PTK2: variants seen among roughly 807,000 people sequenced by gnomAD.
The protein encoded by PTK2 is focal adhesion kinase 1.
In PTK2, 45 loss-of-function variants were observed where a neutral mutation model predicts 150.1. The observed-to-expected ratio is 0.30, with a 90% CI of 0.24 to 0.38. The LOEUF (loss-of-function observed/expected upper bound fraction) is 0.38, where lower values mean the gene tolerates loss of function less well. Ranked by LOEUF, PTK2 falls within the 10% of genes least tolerant of loss-of-function variation. The probability of loss-of-function intolerance (pLI) is 1.00; values close to 1 mark genes in which losing one functional copy is unlikely to be tolerated. For synonymous variants in PTK2, 432 were observed against 449.2 expected, an observed-to-expected ratio of 0.96 and a Z score of 0.48; for missense variants, 919 against 1,307.3, an observed-to-expected ratio of 0.70 and a Z score of 4.58.
At chr8:140,731,633 G>A (rs1314776816) in intron 22 of PTK2, among the ~76,000 whole-genome samples, 1 of 152,144 alleles carries the variant, frequency 6.6e-6, no homozygotes, top group East Asian at 1.9e-4. Flanking sequence ...GGTGGCTCAT[G>A]CCTGTAATCT....
chr8:140,763,707 C>T (rs2100070614), intron 15 of PTK2, among the ~76,000 whole-genome samples: 1 of 152,026 alleles, frequency 6.6e-6, no homozygotes, highest in African/African-American at 2.4e-5. Context: ...CCCACACCTC[C>T]CATCCCTGAG....
intron 14 of PTK2, among the ~76,000 whole-genome samples, chr8:140,778,827 G>A (rs1463344846): frequency 1.3e-5 from 2 of 152,110 alleles, no homozygotes; most frequent in African/African-American, 4.8e-5. Context: ...ATGGGATCAA[G>A]GACAAGCTAG....
At chr8:140,989,530 T>TAAA (rs528030872) in intron 1 of PTK2, among the ~76,000 whole-genome samples, 1 of 140,604 alleles carries the variant, frequency 7.1e-6, no homozygotes, top group Admixed American at 7.1e-5. Context: ...TTAATGAATT[T>TAAA]AAAAAAAAAA....
chr8:140,982,233 C>T (rs1569538413), intron 1 of PTK2, among the ~76,000 whole-genome samples: 2 of 152,206 alleles, frequency 1.3e-5, no homozygotes, highest in East Asian at 1.9e-4. Context: ...GAGTCCCCAC[C>T]GCCTTGCTTA....
At chr8:140,806,661 T>G (rs1002088438) in intron 10 of PTK2, among the ~76,000 whole-genome samples, 1 of 152,200 alleles carries the variant, frequency 6.6e-6, no homozygotes, top group Non-Finnish European at 1.5e-5. Flanking sequence ...ACCACTTGTA[T>G]GGAGTGGCTT....
chr8:140,968,384 A>C (rs1041720200), intron 1 of PTK2, among the ~76,000 whole-genome samples: 6 of 150,244 alleles, frequency 4.0e-5, no homozygotes, highest in East Asian at 1.9e-4. Flanking sequence ...GATCCTGCCC[A>C]AAAAAAAAAT....
In PTK2 at chr8:140,747,467, AGGAAGAGGAGGG is replaced by A. The variant is rs1270661310; in HGVS notation, c.1418-619_1418-608del. On this transcript the variant is annotated intron_variant, in intron 17 of 31. Coordinates refer to ENST00000522684, the Ensembl canonical transcript of PTK2. ...AGGGGGGGGGAAGAGGAGGAGGAGG[AGGAAGAGGAGGG>A]GGAAGAGGAGGGGGAAGAGGAGGAG... Among the ~76,000 whole-genome samples, 5 of 17,386 alleles carry A rather than the reference AGGAAGAGGAGGG, an allele frequency of 2.9e-4. No homozygotes were observed. In the East Asian group the frequency reaches 5.5e-3, roughly 19 times the overall value. The allele number at this position is 17,386 out of a possible 152,430, so 11.4% of individuals were successfully genotyped here.
At position 140,668,326 on chromosome 8, in the gene PTK2, G is replaced by A. The variant is rs141828978; in HGVS notation, c.2808C>T (p.Ile936=). The change falls in exon 30 of 32, where the codon ATC becomes ATT. Residue 936 remains isoleucine, a synonymous_variant. Coordinates refer to ENST00000522684, the Ensembl canonical transcript of PTK2. ...CTGGCTGGATTTTACTGGACATCTC[G>A]ATGACAGCTTTCACCAGGCCCGTCA... 1.8e-5 allele frequency: 29 copies of A among 1,614,048 alleles called. No individual in the cohort carries two copies. In the East Asian group the frequency reaches 3.3e-4, roughly 19 times the overall value.
At chr8:140,800,218 T>C (rs1242849032) in intron 12 of PTK2, among the ~76,000 whole-genome samples, 1 of 152,178 alleles carries the variant, frequency 6.6e-6, no homozygotes, top group East Asian at 1.9e-4. Flanking sequence ...TCTAAGTAGG[T>C]AGCTCAAAAC....
intron 29 of PTK2, among the ~76,000 whole-genome samples, chr8:140,672,876 AC>A (rs2100011439): frequency 6.6e-6 from 1 of 152,208 alleles, no homozygotes; most frequent in Admixed American, 6.5e-5. Context: ...AGGCTGTGTA[AC>A]CTTGAACAAA....
At chr8:140,717,973 A>T (rs2100040728) in intron 22 of PTK2, 1 of 350,272 alleles carries the variant, frequency 2.9e-6, no homozygotes. Context: ...AGGTTGCAGA[A>T]AATGAAGGAT....
At chr8:140,800,426 C>G (rs374813243) in intron 12 of PTK2, 33 bp downstream of exon 12, 2 of 1,534,084 alleles carry the variant, frequency 1.3e-6, no homozygotes, top group African/African-American at 2.7e-5. Flanking sequence ...TTGGTAGAAG[C>G]GCAATTGGGA....
chr8:140,814,095 C>T (rs955341087), intron 10 of PTK2, among the ~76,000 whole-genome samples: 4 of 152,162 alleles, frequency 2.6e-5, no homozygotes, highest in African/African-American at 9.7e-5. Flanking sequence ...CCTCCCAAGA[C>T]TGAGCCAGGA....
exon 29 of PTK2, chr8:140,674,304 A>C: frequency 1.2e-6 from 2 of 1,603,518 alleles, no homozygotes; most frequent in East Asian, 4.5e-5. Flanking sequence ...CCACCTTGAC[A>C]CCCTCGTTGT....
chr8:140,821,201 G>A (rs2100108352), intron 8 of PTK2: 1 of 152,274 alleles, frequency 6.6e-6, no homozygotes, highest in Non-Finnish European at 1.5e-5. Context: ...CAAGATAGTG[G>A]AACATGGGAG....
chr8:140,968,896 C>T (rs1298258961), intron 1 of PTK2, among the ~76,000 whole-genome samples: 1 of 152,190 alleles, frequency 6.6e-6, no homozygotes, highest in African/African-American at 2.4e-5. Flanking sequence ...CCTATGGGGG[C>T]TGGAAGAGGT....
intron 12 of PTK2, among the ~76,000 whole-genome samples, chr8:140,795,592 ATTTAT>A (rs1459244682): frequency 2.6e-5 from 4 of 152,096 alleles, no homozygotes; most frequent in African/African-American, 9.7e-5. Flanking sequence ...ATGCTACAGT[ATTTAT>A]TTTCTCTATT....
intron 5 of PTK2, among the ~76,000 whole-genome samples, chr8:140,862,725 C>T (rs986429419): frequency 1.3e-5 from 2 of 152,264 alleles, no homozygotes; most frequent in Admixed American, 1.3e-4. Flanking sequence ...GGAGCGCAAA[C>T]CCTGTTGTGA....
At chr8:140,699,229 C>T (rs1308489705) in intron 26 of PTK2, among the ~76,000 whole-genome samples, 1 of 152,054 alleles carries the variant, frequency 6.6e-6, no homozygotes, top group Admixed American at 6.6e-5. Context: ...GCATGAGAGA[C>T]CAGGTAAAGT....
Sources: gnomAD v4.1 joint callset for allele counts (sites outside exome capture counted in the v4.1 genomes callset) on GRCh38, gnomAD v4.1.1 for gene constraint, MANE v1.5 for transcripts, NCBI Gene and HGNC (gene_info 2026-07-23, HGNC 2026-07-21) for gene names.